SFI1: variants seen among roughly 807,000 people sequenced by gnomAD.
The protein encoded by SFI1 is SFI1 centrin binding protein, also known as protein SFI1 homolog.
Under a neutral mutation model 207.5 loss-of-function variants are expected in SFI1, and 195 were observed. The ratio of observed to expected loss-of-function variants is 0.94; its 90% CI spans 0.84 to 1.06. The LOEUF is 1.06. SFI1 is among the 50% of genes least tolerant of loss of function. SFI1 has a pLI of 0.00. For missense variants in SFI1, 1,634 were observed against 1,588.0 expected (o/e 1.03, Z -0.49); for synonymous variants, 630 against 598.9 (o/e 1.05, Z -0.76).
chr22:31,548,576 G>C (rs2060322959), intron 5 of SFI1, among the ~76,000 whole-genome samples: 2 of 151,560 alleles, frequency 1.3e-5, no homozygotes, highest in South Asian at 4.2e-4. Context: ...CCAGGAGGCG[G>C]AGACTGCAGT....
chr22:31,565,831 T>C (rs1186092260), intron 8 of SFI1, among the ~76,000 whole-genome samples: 1 of 151,910 alleles, frequency 6.6e-6, no homozygotes, highest in African/African-American at 2.4e-5. Context: ...CCATGTGATT[T>C]CTTTCTTCCT....
intron 15 of SFI1, among the ~76,000 whole-genome samples, chr22:31,593,139 C>A (rs1230686050): frequency 6.8e-6 from 1 of 146,330 alleles, no homozygotes; most frequent in Non-Finnish European, 1.5e-5. Context: ...GGGCTGACCC[C>A]CCCCCACCTC....
intron 14 of SFI1, 82 bp downstream of exon 14, chr22:31,585,216 C>A: frequency 8.1e-7 from 1 of 1,231,068 alleles, no homozygotes; most frequent in Non-Finnish European, 1.2e-6. Context: ...TGGAAAAGAC[C>A]TATGCCAAGA....
At chr22:31,530,674 G>C in intron 3 of SFI1, 1 of 469,832 alleles carries the variant, frequency 2.1e-6, no homozygotes, top group South Asian at 1.6e-5. Context: ...GGAGGGGTTT[G>C]AACAGAGTGC....
Position 31,613,267 on chromosome 22 carries a change from C to T in SFI1, c.2565+51C>T, listed in dbSNP as rs553119355. The T allele has an allele frequency of 7.5e-5, 121 of 1,611,054 alleles. 2 individuals carry two copies. The South Asian group carries it at 1.2e-3, about 17-fold the overall frequency. Reference sequence around the variant, plus strand: ...TCCCTGCCTCTCCCTCAGGCCTTAGCCCTGCCTTGGGTGGAGGGAGGGCAC... The same window carrying T: ...TCCCTGCCTCTCCCTCAGGCCTTAGTCCTGCCTTGGGTGGAGGGAGGGCAC... On this transcript the variant is annotated intron_variant, in intron 25 of 32. Transcript: ENST00000400288.
intron 29 of SFI1, 82 bp from the exon 30 acceptor site, chr22:31,616,662 AG>A (rs769406467): frequency 7.8e-5 from 111 of 1,430,032 alleles, no homozygotes; most frequent in Non-Finnish European, 1.0e-4. Context: ...CCTGCAGGGC[AG>A]GCAGTGACAA....
At chr22:31,596,021 G>C (rs955980908) in intron 15 of SFI1, among the ~76,000 whole-genome samples, 3 of 152,150 alleles carry the variant, frequency 2.0e-5, no homozygotes, top group African/African-American at 7.2e-5. Flanking sequence ...GGGAGGCAGA[G>C]GTGGGTGGAT....
intron 29 of SFI1, 40 bp downstream of exon 29, chr22:31,615,319 A>T: frequency 1.4e-6 from 2 of 1,421,458 alleles, no homozygotes; most frequent in Non-Finnish European, 1.8e-6. Context: ...TGGGGCTCTC[A>T]CTCTGGTCTG....
In SFI1 at chr22:31,613,392, G is replaced by A. The variant is rs1336865619; in HGVS notation, c.2604G>A (p.Arg868=). The change falls in exon 26 of 33, where the codon AGG becomes AGA. Residue 868 remains arginine, a synonymous_variant. Transcript: ENST00000400288. ...GGCTGGCCTTTGTACTGGAAAGGAG[G>A]AGAAAGAAGGCGCGGCTGCAGTGGG... ...ATWLAFVLER[R]RKKARLQWAL... The A allele has an allele frequency of 1.9e-6, 3 of 1,611,680 alleles. No homozygotes were observed. In the African/African-American group the frequency reaches 4.0e-5, roughly 22 times the overall value.
intron 2 of SFI1, among the ~76,000 whole-genome samples, chr22:31,522,064 CTTTTTTTTTTT>C (rs752422385): frequency 1.3e-5 from 1 of 76,362 alleles, no homozygotes; most frequent in South Asian, 4.8e-4. Context: ...TACACCTGGC[CTTTTTTTTTTT>C]TTTTTTTTTT....
intron 8 of SFI1, among the ~76,000 whole-genome samples, chr22:31,563,387 T>C (rs1337988763): frequency 6.6e-6 from 1 of 152,076 alleles, no homozygotes; most frequent in African/African-American, 2.4e-5. Context: ...ATGCTATAAA[T>C]GCAGGGATAC....
At chr22:31,615,367 T>G (rs1329564246) in intron 29 of SFI1, 88 bp downstream of exon 29, 4 of 1,259,674 alleles carry the variant, frequency 3.2e-6, no homozygotes, top group Non-Finnish European at 4.2e-6. Context: ...TGTACTAGTT[T>G]CTGGAAAACC....
At chr22:31,500,273 G>C (rs1184832386) in intron 1 of SFI1, among the ~76,000 whole-genome samples, 1 of 59,264 alleles carries the variant, frequency 1.7e-5, no homozygotes, top group African/African-American at 6.5e-5. Flanking sequence ...GTGAGACTCT[G>C]TCTCAAAAAA....
intron 10 of SFI1, among the ~76,000 whole-genome samples, chr22:31,576,257 T>A (rs1240268372): frequency 1.4e-5 from 2 of 147,196 alleles, no homozygotes; most frequent in Non-Finnish European, 3.0e-5. Context: ...ACTCTTGACT[T>A]CAGGTGATCC....
intron 2 of SFI1, among the ~76,000 whole-genome samples, chr22:31,528,140 C>T (rs1359097743): frequency 6.6e-6 from 1 of 150,912 alleles, no homozygotes; most frequent in Non-Finnish European, 1.5e-5. Context: ...AAAAAGTTAG[C>T]TGGTCATGGT....
chr22:31,588,952 A>G (rs574780752), intron 14 of SFI1, among the ~76,000 whole-genome samples: 38 of 152,170 alleles, frequency 2.5e-4, no homozygotes, highest in Non-Finnish European at 4.7e-4. Flanking sequence ...CTTCCTACTG[A>G]TGTATCAGTA....
intron 2 of SFI1, among the ~76,000 whole-genome samples, chr22:31,518,927 C>T (rs968525631): frequency 9.9e-5 from 15 of 150,982 alleles, no homozygotes; most frequent in African/African-American, 2.7e-4. Flanking sequence ...AATTCATTGC[C>T]GGAGGAATTA....
Position 31,550,268 on chromosome 22 carries a change from A to G in SFI1, c.464A>G (p.Asn155Ser), listed in dbSNP as rs539882029. ...TGGCTCCTCAGGTATTACCTGTACA[A>G]CCTGATGTTCCAGACGTGGAAGACC... ...ADCHYRYYLY[N>S]LMFQTWKTYV... The change falls in exon 6 of 33, where the codon AAC becomes AGC. Residue 155 changes from asparagine (N) to serine (S), a missense_variant. Transcript: ENST00000400288. 4 of 1,614,050 alleles carry G rather than the reference A, an allele frequency of 2.5e-6. No individual in the cohort carries two copies. Among genetic ancestry groups the G allele is most frequent in the East Asian group, 4.5e-5 (2 of 44,884 alleles).
intron 14 of SFI1, among the ~76,000 whole-genome samples, chr22:31,589,211 CGTGTGT>C (rs10597618): frequency 0.05 from 7,542 of 149,792 alleles, 165 homozygotes; most frequent in Non-Finnish European, 0.056. Flanking sequence ...TATGTGTGTG[CGTGTGT>C]GTGTGTGTGT....
Sources: allele counts gnomAD v4.1 joint callset (sites outside exome capture counted in the v4.1 genomes callset), GRCh38; gene constraint gnomAD v4.1.1; transcripts MANE v1.5; gene names NCBI Gene and HGNC (gene_info 2026-07-23, HGNC 2026-07-21).